SPATA13: variants seen among roughly 807,000 people sequenced by gnomAD.
SPATA13 encodes spermatogenesis-associated protein 13.
In SPATA13, 50 loss-of-function variants were observed where a neutral mutation model predicts 104.0. The observed-to-expected ratio is 0.48, with a 90% CI of 0.38 to 0.61. The LOEUF is 0.61. Ranked by LOEUF, SPATA13 falls within the 20% of genes least tolerant of loss-of-function variation. The pLI is 0.00. For missense variants in SPATA13, 1,524 were observed against 1,690.6 expected, an observed-to-expected ratio of 0.90 and a Z score of 1.73; for synonymous variants, 606 against 667.5, an observed-to-expected ratio of 0.91 and a Z score of 1.42.
In SPATA13 at chr13:24,307,032, A is replaced by G. The variant is rs1051516893; in HGVS notation, c.*4259A>G. 1 of 152,226 alleles carries G rather than the reference A, an allele frequency of 6.6e-6. No individual in the cohort carries two copies. The highest frequency in any genetic ancestry group is 1.5e-5 in the Non-Finnish European group (1 of 68,040). 9.4% of individuals were successfully genotyped at this position (152,226 alleles called of 1,614,324 possible). On this transcript the variant is annotated 3_prime_UTR_variant, in exon 13 of 13. Coordinates refer to ENST00000382108, the MANE Select transcript of SPATA13 (RefSeq NM_001166271.3). ...TGATTTTTTTAAATGCTGTGAATCT[A>G]TATTTGTTGTTTTGTATATTAAAAT...
intron 4 of SPATA13, among the ~76,000 whole-genome samples, chr13:24,260,876 A>G (rs1012863277): frequency 6.6e-6 from 1 of 152,240 alleles, no homozygotes; most frequent in Non-Finnish European, 1.5e-5. Flanking sequence ...CTACATCATG[A>G]CAAAGGTGAA....
chr13:24,026,767 C>T (rs187859970), intron 3 of SPATA13, among the ~76,000 whole-genome samples: 40 of 151,914 alleles, frequency 2.6e-4, no homozygotes, highest in Non-Finnish European at 5.1e-4. Context: ...TTAGTGGAGA[C>T]GGGTTTTCAC....
chr13:24,245,018 A>G (rs1873040773), intron 2 of SPATA13, among the ~76,000 whole-genome samples: 1 of 152,224 alleles, frequency 6.6e-6, no homozygotes, highest in Non-Finnish European at 1.5e-5. Flanking sequence ...GAGCTCTGGC[A>G]TGGCCGTGGG....
At chr13:24,096,874 A>G (rs767041583) in intron 3 of SPATA13, among the ~76,000 whole-genome samples, 23 of 152,278 alleles carry the variant, frequency 1.5e-4, no homozygotes, top group Non-Finnish European at 3.1e-4. Flanking sequence ...CACACAGAGG[A>G]CTGTGACCTC....
chr13:24,090,170 T>A (rs1247961286), intron 3 of SPATA13, among the ~76,000 whole-genome samples: 1 of 151,920 alleles, frequency 6.6e-6, no homozygotes, highest in Non-Finnish European at 1.5e-5. Context: ...TTGGTCAGAT[T>A]TCCCCCCAGT....
In SPATA13 at chr13:24,016,885, C is replaced by G. The variant is rs1876737491; in HGVS notation, c.-146-782C>G. ...CAGGGCTGGTGCAGGATGGCGCTGC[C>G]CCCGCCCAGGCTCATGCCCAGCCTT... On this transcript the variant is annotated intron_variant, in intron 2 of 14. Coordinates refer to the SPATA13 transcript ENST00000424834. Among the ~76,000 whole-genome samples, 4 of 152,228 alleles carry G rather than the reference C, an allele frequency of 2.6e-5. 1 individual carries two copies. The highest frequency in any genetic ancestry group is 7.2e-5 in the African/African-American group (3 of 41,462).
At chr13:24,038,178 G>T (rs1231482092) in intron 3 of SPATA13, among the ~76,000 whole-genome samples, 9 of 152,192 alleles carry the variant, frequency 5.9e-5, no homozygotes, top group Non-Finnish European at 1.3e-4. Context: ...CTCCGAAAGT[G>T]CTGGGATTAC....
chr13:24,047,667 T>C (rs1878198740), intron 3 of SPATA13, among the ~76,000 whole-genome samples: 1 of 152,256 alleles, frequency 6.6e-6, no homozygotes, highest in Non-Finnish European at 1.5e-5. Flanking sequence ...GGAGTTCTTC[T>C]TTATCATTAT....
intron 1 of SPATA13, among the ~76,000 whole-genome samples, chr13:24,167,755 A>G (rs1179124077): frequency 3.9e-5 from 6 of 152,180 alleles, no homozygotes; most frequent in Non-Finnish European, 7.3e-5. Flanking sequence ...TCTAAATTTC[A>G]TTGTTATAAA....
At chr13:24,008,718 T>C (rs963923896) in intron 2 of SPATA13, among the ~76,000 whole-genome samples, 2 of 152,160 alleles carry the variant, frequency 1.3e-5, no homozygotes, top group Non-Finnish European at 2.9e-5. Flanking sequence ...GTGAGTCACC[T>C]GGCAGAGACC....
chr13:24,240,633 A>G (rs1872786456), intron 2 of SPATA13, among the ~76,000 whole-genome samples: 1 of 152,156 alleles, frequency 6.6e-6, no homozygotes, highest in Non-Finnish European at 1.5e-5. Flanking sequence ...AGACTTCACT[A>G]GTGATTACAT....
At position 24,287,020 on chromosome 13, in the gene SPATA13, C is replaced by T. The variant is rs543963304; in HGVS notation, c.2667+70C>T. 4.9e-4 allele frequency: 665 copies of T among 1,348,144 alleles called. 18 individuals carry two copies. In the South Asian group the frequency reaches 8.1e-3, roughly 17 times the overall value. 83.5% of individuals were successfully genotyped at this position (1,348,144 alleles called of 1,614,324 possible). ...CTGCATGAGGTGCCTGGGCTTTCTC[C>T]CCACCTCCACCCCCCGCCCCCCCAT... On this transcript the variant is annotated intron_variant, in intron 7 of 12. Transcript: ENST00000382108.
At chr13:24,107,063 A>T (rs1417450865) in intron 3 of SPATA13, among the ~76,000 whole-genome samples, 1 of 151,868 alleles carries the variant, frequency 6.6e-6, no homozygotes, top group Non-Finnish European at 1.5e-5. Context: ...GGGGAAAAAA[A>T]AAAGGAAGAA....
intron 3 of SPATA13, among the ~76,000 whole-genome samples, chr13:24,152,176 G>A (rs1006337654): frequency 6.6e-6 from 1 of 152,226 alleles, no homozygotes; most frequent in African/African-American, 2.4e-5. Flanking sequence ...CCAAGATCAA[G>A]GCACCTGTAG....
chr13:24,242,505 G>A (rs1208234152), intron 2 of SPATA13, among the ~76,000 whole-genome samples: 2 of 152,156 alleles, frequency 1.3e-5, no homozygotes, highest in South Asian at 4.1e-4. Flanking sequence ...TCTAGTGCTG[G>A]CCTTCCAAAG....
rs527863264 is a variant in SPATA13, at chr13:24,011,868, G to A, written c.-146-5799G>A. On this transcript the variant is annotated intron_variant, in intron 2 of 14. Transcript: ENST00000424834. This position sits in a 1 kb window ranked among gnomAD's most constrained non-coding sequence, Gnocchi z 4.3. ...CACAGGCAAACTTGGGGGACCATGA[G>A]GGATGATCCCACAGACCCAGAATGC... 6.6e-6 allele frequency among the ~76,000 whole-genome samples: 1 copy of A among 151,988 alleles called. No homozygotes were observed. Among genetic ancestry groups the A allele is most frequent in the African/African-American group, 2.4e-5 (1 of 41,454 alleles).
chr13:24,183,605 AT>A (rs58865453), intron 1 of SPATA13, among the ~76,000 whole-genome samples: 47,917 of 147,718 alleles, frequency 0.32, 8,942 homozygotes, highest in African/African-American at 0.52. Context: ...ATTTCTTTAC[AT>A]TTTTTTTTTT....
intron 2 of SPATA13, among the ~76,000 whole-genome samples, chr13:23,997,877 G>A (rs541195570): frequency 3.0e-4 from 46 of 151,956 alleles, no homozygotes; most frequent in Non-Finnish European, 6.3e-4. Context: ...TTCCCACTAG[G>A]CCCCATCTCC....
At chr13:24,036,757 A>G (rs1877698578) in intron 3 of SPATA13, among the ~76,000 whole-genome samples, 1 of 152,098 alleles carries the variant, frequency 6.6e-6, no homozygotes, top group African/African-American at 2.4e-5. Flanking sequence ...TTCTCAATTC[A>G]AATAACGTTA....
Sources: gnomAD v4.1 joint callset for allele counts (sites outside exome capture counted in the v4.1 genomes callset) on GRCh38, gnomAD v4.1.1 for gene constraint, Gnocchi (gnomAD v3.1) non-coding constraint, MANE v1.5 for transcripts, NCBI Gene and HGNC (gene_info 2026-07-23, HGNC 2026-07-21) for gene names.